Variants in RTL9 observed in about 807,000 individuals in gnomAD.
RTL9 encodes retrotransposon Gag like 9, also known as retrotransposon Gag-like protein 9.
In RTL9, 19 loss-of-function variants were observed where a neutral mutation model predicts 44.7. That is an observed-to-expected ratio of 0.42 (90% CI 0.30 to 0.62). RTL9 has a LOEUF of 0.62. RTL9 is among the 20% of genes least tolerant of loss of function. The pLI is 0.16. For synonymous variants in RTL9, 407 were observed against 398.9 expected (o/e 1.02, Z -0.24); for missense variants, 1,105 against 1,080.6 (o/e 1.02, Z -0.32).
chrX:110,385,018 G>T (rs952586640), intron 1 of RTL9, among the ~76,000 whole-genome samples: 1 of 110,858 alleles, frequency 9.0e-6, no homozygotes, highest in Non-Finnish European at 1.9e-5. Flanking sequence ...CATAGTTCCA[G>T]CAGAATAATA....
intron 1 of RTL9, among the ~76,000 whole-genome samples, chrX:110,406,539 C>T (rs757962080): frequency 2.6e-4 from 29 of 109,935 alleles, no homozygotes; most frequent in South Asian, 7.5e-4. Flanking sequence ...CAAGTCTTTG[C>T]TATTGTGAAT....
chrX:110,393,294 T>A (rs1005126047), intron 1 of RTL9, among the ~76,000 whole-genome samples: 1 of 112,213 alleles, frequency 8.9e-6, no homozygotes, highest in Non-Finnish European at 1.9e-5. Flanking sequence ...ATAGTTGTTA[T>A]GTAAAGTGCT....
At position 110,400,731 on chromosome X, in the gene RTL9, T is replaced by C. The variant is rs775780158; in HGVS notation, c.-168+41815T>C. On this transcript the variant is annotated intron_variant, in intron 1 of 2. Coordinates refer to the RTL9 transcript ENST00000520821. The stretch of plus-strand genomic sequence containing the variant: ...CCCTCATGGCCCTCCTGAATTTATC[T>C]CTATTATAATGTTTTATATTTTATG... Among the ~76,000 whole-genome samples, 5 of 112,174 alleles carry C rather than the reference T, an allele frequency of 4.5e-5. No homozygotes were observed. In the East Asian group the frequency reaches 1.4e-3, roughly 31 times the overall value.
chrX:110,422,985 C>T (rs1037723045), intron 1 of RTL9, among the ~76,000 whole-genome samples: 5 of 111,726 alleles, frequency 4.5e-5, no homozygotes, highest in East Asian at 2.8e-4. Flanking sequence ...TAGCCTAGGC[C>T]GTGAGTTGAT....
intron 1 of RTL9, among the ~76,000 whole-genome samples, chrX:110,391,790 T>G (rs1372253396): frequency 2.7e-5 from 3 of 112,470 alleles, no homozygotes; most frequent in Non-Finnish European, 5.6e-5. Context: ...CAAGTAGTAC[T>G]TGGACCGAAC....
intron 1 of RTL9, among the ~76,000 whole-genome samples, chrX:110,413,501 C>A (rs978629596): frequency 9.1e-6 from 1 of 109,414 alleles, no homozygotes; most frequent in Non-Finnish European, 1.9e-5. Context: ...TTATAACCAT[C>A]CCCTCCTGGT....
intron 1 of RTL9, among the ~76,000 whole-genome samples, chrX:110,360,150 A>G (rs1419577247): frequency 1.8e-5 from 2 of 111,221 alleles, no homozygotes; most frequent in Non-Finnish European, 3.8e-5. Flanking sequence ...GACACTTGTA[A>G]TATGTTTGGG....
At chrX:110,422,017 C>T (rs1193357632) in intron 1 of RTL9, among the ~76,000 whole-genome samples, 1 of 113,168 alleles carries the variant, frequency 8.8e-6, no homozygotes, top group Non-Finnish European at 1.9e-5. Context: ...ATTCTAAGTT[C>T]CCAGTTTTGA....
intron 1 of RTL9, among the ~76,000 whole-genome samples, chrX:110,373,539 A>G (rs1196812378): frequency 8.9e-6 from 1 of 112,256 alleles, no homozygotes; most frequent in Non-Finnish European, 1.9e-5. Context: ...GCTCACATGC[A>G]AAAAAATGAT....
At chrX:110,423,056 G>A (rs1199474216) in intron 1 of RTL9, among the ~76,000 whole-genome samples, 2 of 112,089 alleles carry the variant, frequency 1.8e-5, no homozygotes, top group African/African-American at 6.5e-5. Context: ...GGCCGGGCGC[G>A]GTGTCTCATG....
intron 1 of RTL9, among the ~76,000 whole-genome samples, chrX:110,421,486 T>C (rs891971770): frequency 1.8e-5 from 2 of 112,680 alleles, no homozygotes; most frequent in African/African-American, 6.5e-5. Flanking sequence ...CTAGTTTCAG[T>C]AGGACTTGTG....
intron 1 of RTL9, among the ~76,000 whole-genome samples, chrX:110,390,800 G>A (rs1481503728): frequency 8.9e-6 from 1 of 112,013 alleles, no homozygotes; most frequent in East Asian, 2.8e-4. Flanking sequence ...GATCATAAGG[G>A]CTTTCAAGAA....
chrX:110,417,287 G>C (rs2068684419), upstream of RTL9, among the ~76,000 whole-genome samples: 1 of 112,276 alleles, frequency 8.9e-6, no homozygotes, highest in South Asian at 3.7e-4. Context: ...CAGCTTGAAA[G>C]CTTCATTTGA....
intron 1 of RTL9, among the ~76,000 whole-genome samples, chrX:110,368,275 G>A (rs1182920861): frequency 2.7e-5 from 3 of 110,488 alleles, no homozygotes; most frequent in Non-Finnish European, 5.7e-5. Flanking sequence ...GCTCAAAACC[G>A]TCCGTGGCCT....
chrX:110,413,292 G>T (rs879168257), intron 1 of RTL9, among the ~76,000 whole-genome samples: 2 of 111,297 alleles, frequency 1.8e-5, no homozygotes, highest in African/African-American at 6.6e-5. Flanking sequence ...GAGTCTCCAC[G>T]GCGGATCTCA....
chrX:110,396,326 A>G (rs1230623756), intron 1 of RTL9, among the ~76,000 whole-genome samples: 2 of 112,123 alleles, frequency 1.8e-5, no homozygotes, highest in East Asian at 5.6e-4. Flanking sequence ...ATGATTTTCC[A>G]TGTTAGCTTT....
chrX:110,415,981 G>A (rs1411738887), upstream of RTL9, among the ~76,000 whole-genome samples: 7 of 104,521 alleles, frequency 6.7e-5, no homozygotes, highest in African/African-American at 2.2e-4. Context: ...ACTATATATC[G>A]TGGGTTAACT....
At chrX:110,365,101 A>G (rs1234455886) in intron 1 of RTL9, among the ~76,000 whole-genome samples, 2 of 111,833 alleles carry the variant, frequency 1.8e-5, no homozygotes, top group Admixed American at 9.5e-5. Context: ...AATTATGAAT[A>G]GAATATTCCC....
chrX:110,368,008 T>TTAG (rs1353870100), intron 1 of RTL9, among the ~76,000 whole-genome samples: 2 of 103,999 alleles, frequency 1.9e-5, no homozygotes, highest in African/African-American at 3.5e-5. Context: ...ATTATTATTA[T>TTAG]TATTATTATT....
Sources: gnomAD v4.1 joint callset for allele counts (sites outside exome capture counted in the v4.1 genomes callset) on GRCh38, gnomAD v4.1.1 for gene constraint, MANE v1.5 for transcripts, NCBI Gene and HGNC (gene_info 2026-07-23, HGNC 2026-07-21) for gene names.